Variants in EFCAB11 observed in about 807,000 individuals in gnomAD.
EFCAB11 encodes EF-hand calcium binding domain 11.
In EFCAB11, 14 loss-of-function variants were observed where a neutral mutation model predicts 23.0. The observed-to-expected ratio is 0.61, with a 90% CI of 0.40 to 0.95. The LOEUF (loss-of-function observed/expected upper bound fraction) is 0.95. Ranked by LOEUF, EFCAB11 falls within the 40% of genes least tolerant of loss-of-function variation. EFCAB11 has a pLI of 0.00. For missense variants in EFCAB11, 198 were observed against 195.8 expected (o/e 1.01, Z -0.07); for synonymous variants, 65 against 66.6 (o/e 0.98, Z 0.11).
chr14:89,818,107 T>C (rs1468355590), intron 5 of EFCAB11, among the ~76,000 whole-genome samples: 1 of 152,138 alleles, frequency 6.6e-6, no homozygotes, highest in Non-Finnish European at 1.5e-5. Flanking sequence ...TATATGTAAA[T>C]GTTGACATCT....
chr14:89,885,667 ACT>A (rs544244944), intron 5 of EFCAB11, among the ~76,000 whole-genome samples: 1 of 149,726 alleles, frequency 6.7e-6, no homozygotes, highest in Non-Finnish European at 1.5e-5. Context: ...ACAGAGCAAG[ACT>A]CTGTTGAAAA....
chr14:89,924,945 A>C (rs1245324087), intron 5 of EFCAB11, among the ~76,000 whole-genome samples: 2 of 152,262 alleles, frequency 1.3e-5, no homozygotes, highest in African/African-American at 4.8e-5. Flanking sequence ...GCGATTACAG[A>C]TATAAGTCCA....
intron 5 of EFCAB11, among the ~76,000 whole-genome samples, chr14:89,885,193 A>C (rs1167937423): frequency 4.6e-5 from 7 of 152,206 alleles, no homozygotes; most frequent in African/African-American, 1.7e-4. Context: ...ATAAAAACCA[A>C]ATATTTCAGA....
At chr14:89,919,157 T>G (rs1486469298) in intron 5 of EFCAB11, among the ~76,000 whole-genome samples, 3 of 150,758 alleles carry the variant, frequency 2.0e-5, no homozygotes, top group African/African-American at 7.3e-5. Flanking sequence ...ATAGCAGAGT[T>G]TAGAGATTTC....
At chr14:89,813,493 T>C (rs1036026264) in intron 5 of EFCAB11, among the ~76,000 whole-genome samples, 2 of 152,196 alleles carry the variant, frequency 1.3e-5, no homozygotes, top group African/African-American at 4.8e-5. Context: ...TTATCTTTGG[T>C]TTGGTATGAA....
At chr14:89,849,131 T>C (rs140819062) in intron 5 of EFCAB11, among the ~76,000 whole-genome samples, 18 of 152,180 alleles carry the variant, frequency 1.2e-4, no homozygotes, top group African/African-American at 4.1e-4. Flanking sequence ...TCCACTCCCA[T>C]TACCCTTCAC....
Position 89,924,742 on chromosome 14 carries a change from A to G in EFCAB11, c.410+6799T>C, listed in dbSNP as rs1423447304. 2.6e-6 allele frequency: 4 copies of G among 1,519,176 alleles called. No homozygotes were observed. The African/African-American group carries it at 5.5e-5, about 21-fold the overall frequency. The allele number at this position is 1,519,176 out of a possible 1,614,324, so 94.1% of individuals were successfully genotyped here. On this transcript the variant is annotated intron_variant, in intron 5 of 5. Coordinates refer to ENST00000316738, the MANE Select transcript of EFCAB11 (RefSeq NM_145231.4). ...TGAAAATCACATGTAGACAGAGGAA[A>G]ATGGAAAGCAAAGCCACATGTGGCT...
At chr14:89,810,155 T>A (rs746616326) in intron 5 of EFCAB11, among the ~76,000 whole-genome samples, 1 of 152,212 alleles carries the variant, frequency 6.6e-6, no homozygotes, top group Non-Finnish European at 1.5e-5. Context: ...CACTGTGCTG[T>A]TCCCAGTATT....
chr14:89,907,091 C>T (rs890604907), intron 5 of EFCAB11, among the ~76,000 whole-genome samples: 1 of 152,156 alleles, frequency 6.6e-6, no homozygotes, highest in Non-Finnish European at 1.5e-5. Context: ...ACATCAGTTT[C>T]CCATGACAGA....
At chr14:89,871,850 T>G (rs1187353193) in intron 5 of EFCAB11, among the ~76,000 whole-genome samples, 1 of 152,200 alleles carries the variant, frequency 6.6e-6, no homozygotes, top group Non-Finnish European at 1.5e-5. Flanking sequence ...TTTCTTGCAA[T>G]TTGTACTCAT....
rs146337111 is a variant in EFCAB11, at chr14:89,847,865, C to T, written c.411-50541G>A. The stretch of plus-strand genomic sequence containing the variant: ...CAGCTGTCTGGCCTTGAGAAAGATA[C>T]TTAACTTAAAACTCAGTCTTCTCAG... On this transcript the variant is annotated intron_variant, in intron 5 of 5. Transcript: ENST00000316738. Among the ~76,000 whole-genome samples the T allele has an allele frequency of 1.2e-3, 188 of 152,052 alleles. 1 individual carries two copies. Among genetic ancestry groups the T allele is most frequent in the Admixed American group, 0.011 (166 of 15,286 alleles).
intron 1 of EFCAB11, chr14:89,954,372 G>C: frequency 6.5e-7 from 1 of 1,535,840 alleles, no homozygotes; most frequent in East Asian, 2.4e-5. Context: ...AGACTATATA[G>C]AGAGAAAGGA....
In EFCAB11 at chr14:89,946,157, G is replaced by A. The variant is rs145799647; in HGVS notation, c.217+3940C>T. On this transcript the variant is annotated intron_variant, in intron 3 of 5. Coordinates refer to ENST00000316738, the MANE Select transcript of EFCAB11 (RefSeq NM_145231.4). ...TCAAACTCCTGGCCTCAAGTGATTC[G>A]TCTGCGTTGGCCTCTCAAAGTGCTG... is the stretch of plus-strand genomic sequence containing the variant. 9.2e-3 allele frequency among the ~76,000 whole-genome samples: 1,406 copies of A among 152,046 alleles called. 14 individuals carry two copies. The highest frequency in any genetic ancestry group is 0.021 in the Middle Eastern group (6 of 292).
intron 3 of EFCAB11, among the ~76,000 whole-genome samples, chr14:89,944,797 C>T (rs546461173): frequency 6.6e-6 from 1 of 151,452 alleles, no homozygotes; most frequent in South Asian, 2.1e-4. Context: ...TCCTGAAAGT[C>T]TTATTTTAAA....
intron 5 of EFCAB11, among the ~76,000 whole-genome samples, chr14:89,800,403 A>T (rs1885738255): frequency 6.6e-6 from 1 of 152,154 alleles, no homozygotes; most frequent in Admixed American, 6.5e-5. Context: ...GAACCCCCTG[A>T]ATGTCAGGCT....
In EFCAB11 at chr14:89,814,265, G is replaced by A. The variant is rs1053907748; in HGVS notation, c.411-16941C>T. ...CCCTCGCTGAAGGGATCTGTGGTGA[G>A]GGCTTCAGACCTGCCGCCTGCCAGC... On this transcript the variant is annotated intron_variant, in intron 5 of 5. Coordinates refer to ENST00000316738, the MANE Select transcript of EFCAB11 (RefSeq NM_145231.4). 3.3e-5 allele frequency among the ~76,000 whole-genome samples: 5 copies of A among 152,132 alleles called. 1 individual carries two copies. The East Asian group carries it at 9.6e-4, about 29-fold the overall frequency.
At chr14:89,876,994 T>C (rs955330095) in intron 5 of EFCAB11, among the ~76,000 whole-genome samples, 6 of 152,154 alleles carry the variant, frequency 3.9e-5, no homozygotes, top group Non-Finnish European at 8.8e-5. Flanking sequence ...AGAGGCATGT[T>C]TGACTGAGAT....
At chr14:89,821,327 A>G (rs1454287915) in intron 5 of EFCAB11, among the ~76,000 whole-genome samples, 2 of 152,200 alleles carry the variant, frequency 1.3e-5, no homozygotes, top group African/African-American at 4.8e-5. Flanking sequence ...TTGAGTCTCC[A>G]GCCGGCAGCC....
chr14:89,885,983 C>T (rs1358845928), intron 5 of EFCAB11, among the ~76,000 whole-genome samples: 1 of 151,228 alleles, frequency 6.6e-6, no homozygotes, highest in Admixed American at 6.6e-5. Flanking sequence ...AAACACAAAG[C>T]TCTAGGACTT....
Sources: gnomAD v4.1 joint callset for allele counts (sites outside exome capture counted in the v4.1 genomes callset) on GRCh38, gnomAD v4.1.1 for gene constraint, MANE v1.5 for transcripts, NCBI Gene and HGNC (gene_info 2026-07-23, HGNC 2026-07-21) for gene names.